The following KCNQ1 variants were observed in gnomAD, a reference collection of about 807,000 sequenced individuals.
KCNQ1 encodes the protein potassium voltage-gated channel subfamily KQT member 1.
Under a neutral mutation model 72.4 loss-of-function variants are expected in KCNQ1, and 49 were observed. The observed-to-expected ratio is 0.68, with a 90% confidence interval of 0.54 to 0.86. The LOEUF (loss-of-function observed/expected upper bound fraction) is 0.86, where lower values mean the gene tolerates loss of function less well. KCNQ1 is among the 40% of genes least tolerant of loss of function. KCNQ1 has a pLI of 0.00. For missense variants in KCNQ1, 790 were observed against 945.1 expected, an observed-to-expected ratio of 0.84 and a Z score of 2.15; for synonymous variants, 450 against 412.6, an observed-to-expected ratio of 1.09 and a Z score of -1.10.
chr11:2,618,659 C>T, intron 10 of KCNQ1: 1 of 398,498 alleles, frequency 2.5e-6, no homozygotes, highest in Non-Finnish European at 4.4e-6. Context: ...ACAGAATTTT[C>T]AGAATTTCGT....
intron 10 of KCNQ1, chr11:2,649,690 T>G (rs1849728267): frequency 2.5e-6 from 1 of 398,490 alleles, no homozygotes; most frequent in Admixed American, 4.4e-5. Context: ...GTTGATTCCC[T>G]TATATGTGAC....
In KCNQ1 at chr11:2,543,973, C is replaced by T. The variant is rs910642826; in HGVS notation, c.477+15955C>T. 2.6e-5 allele frequency among the ~76,000 whole-genome samples: 4 copies of T among 152,168 alleles called. No homozygotes were observed. The highest frequency in any genetic ancestry group is 7.2e-5 in the African/African-American group (3 of 41,432). On this transcript the variant is annotated intron_variant, in intron 2 of 15. Transcript: ENST00000155840. The surrounding 1 kb of genome is among the most constrained non-coding windows in gnomAD (Gnocchi z 5.6). ...GATCTGTCCTTTTGCCAGTCACACA[C>T]TGGGATTGTTACAGCCCTATAATAC...
At chr11:2,633,400 T>A (rs981569506) in intron 10 of KCNQ1, 7 of 398,444 alleles carry the variant, frequency 1.8e-5, no homozygotes, top group Non-Finnish European at 1.8e-5. Flanking sequence ...TCTATTTTTG[T>A]TTTTGTTGCC....
chr11:2,650,120 C>G, intron 10 of KCNQ1: 2 of 398,308 alleles, frequency 5.0e-6, no homozygotes, highest in Non-Finnish European at 8.8e-6. Flanking sequence ...TAATTTATCA[C>G]CTCCAGGATT....
intron 15 of KCNQ1, among the ~76,000 whole-genome samples, chr11:2,846,055 G>A (rs1848320027): frequency 6.6e-6 from 1 of 152,156 alleles, no homozygotes; most frequent in South Asian, 2.1e-4. Flanking sequence ...ATCTTCCCTG[G>A]GGTTGTCTCA....
At chr11:2,568,825 C>G (rs1410879180) in intron 2 of KCNQ1, among the ~76,000 whole-genome samples, 4 of 152,154 alleles carry the variant, frequency 2.6e-5, no homozygotes, top group Admixed American at 2.0e-4. Flanking sequence ...ACACCCCCCC[C>G]ATGAGGCCAC....
chr11:2,519,776 C>A (rs564361766), intron 1 of KCNQ1, among the ~76,000 whole-genome samples: 8 of 56,410 alleles, frequency 1.4e-4, no homozygotes, highest in South Asian at 5.3e-4. Context: ...GGTGTTGGCC[C>A]CCCCCCACAA....
chr11:2,534,017 CG>C (rs2133662605), intron 2 of KCNQ1, among the ~76,000 whole-genome samples: 1 of 152,316 alleles, frequency 6.6e-6, no homozygotes, highest in South Asian at 2.1e-4. Flanking sequence ...CCGCCCCGCC[CG>C]GTGGCCCACC....
In KCNQ1 at chr11:2,688,708, G is replaced by C. The variant is rs145785680; in HGVS notation, c.1514+26627G>C. On this transcript the variant is annotated intron_variant, in intron 11 of 15. Coordinates refer to ENST00000155840, the MANE Select transcript of KCNQ1 (RefSeq NM_000218.3). ...ACGTGCCTAGGCCCAGCTGGGGCTG[G>C]CATACAAATTGGGTGGCCCGGCTCT... 1,197 of 399,030 alleles carry C rather than the reference G, an allele frequency of 3.0e-3. 13 individuals are homozygous for C. Among genetic ancestry groups the C allele is most frequent in the African/African-American group, 0.022 (1,053 of 48,782 alleles). 24.7% of individuals were successfully genotyped at this position (399,030 alleles called of 1,614,324 possible). A position where few individuals can be genotyped will look rare whatever the true frequency, so the allele number is the denominator to read the frequency against.
intron 6 of KCNQ1, among the ~76,000 whole-genome samples, chr11:2,577,607 C>T (rs1448267902): frequency 6.6e-6 from 1 of 152,210 alleles, no homozygotes; most frequent in Non-Finnish European, 1.5e-5. Context: ...TTTACTTTCT[C>T]CTGCTGAAAG....
In KCNQ1 at chr11:2,567,036, C is replaced by A. The variant is rs981579784; in HGVS notation, c.478-3592C>A. Among the ~76,000 whole-genome samples the A allele has an allele frequency of 1.3e-5, 2 of 151,384 alleles. No individual in the cohort carries two copies. Among genetic ancestry groups the A allele is most frequent in the Non-Finnish European group, 3.0e-5 (2 of 67,768 alleles). On this transcript the variant is annotated intron_variant, in intron 2 of 15. Coordinates refer to ENST00000155840, the MANE Select transcript of KCNQ1 (RefSeq NM_000218.3). This position sits in a 1 kb window ranked among gnomAD's most constrained non-coding sequence, Gnocchi z 6.6. ...CAGGGTCCTGAGGAGGCAGGGGTGC[C>A]CCAGGGAATGGGGGGCACCTGGGGC...
chr11:2,666,377 T>G (rs1480430419), intron 11 of KCNQ1: 1 of 398,552 alleles, frequency 2.5e-6, no homozygotes, highest in Non-Finnish European at 4.4e-6. Context: ...TCTTGTGACA[T>G]GACAGCTTCG....
Position 2,473,287 on chromosome 11 carries a change from A to G in KCNQ1, c.386+27803A>G, listed in dbSNP as rs1283925474. Among the ~76,000 whole-genome samples, 4 of 152,104 alleles carry G rather than the reference A, an allele frequency of 2.6e-5. No homozygotes were observed. The highest frequency in any genetic ancestry group is 5.9e-5 in the Non-Finnish European group (4 of 68,008). On this transcript the variant is annotated intron_variant, in intron 1 of 15. Transcript: ENST00000155840. The surrounding 1 kb of genome is among the most constrained non-coding windows in gnomAD (Gnocchi z 6.0). Reference sequence around the variant, plus strand: ...GTTCCTATATTTGTATAATAAATGGAAGAAAATAGTGGTTGGGGGCTTGCT... The same window carrying G: ...GTTCCTATATTTGTATAATAAATGGGAGAAAATAGTGGTTGGGGGCTTGCT...
chr11:2,551,827 C>A (rs1335571637), intron 2 of KCNQ1, among the ~76,000 whole-genome samples: 5 of 152,236 alleles, frequency 3.3e-5, no homozygotes, highest in African/African-American at 1.2e-4. Context: ...TCATGGTCTT[C>A]ATTTGCATTT....
At chr11:2,553,383 T>G (rs1373866407) in intron 2 of KCNQ1, among the ~76,000 whole-genome samples, 2 of 152,132 alleles carry the variant, frequency 1.3e-5, no homozygotes. Flanking sequence ...CCATTAGGTG[T>G]GGTGGGAGCT....
rs904792116 is a variant in KCNQ1, at chr11:2,725,858, A to C, written c.1515-42986A>C. 6.9e-6 allele frequency among the ~76,000 whole-genome samples: 1 copy of C among 145,924 alleles called. No homozygotes were observed. The highest frequency in any genetic ancestry group is 7.1e-5 in the Admixed American group (1 of 14,160). Reference sequence around the variant, plus strand: ...CTCTGAGAGCTCCCTGGGGCCCCACAGGCCAAGCGTTTTCTGACTTGGAGA... The same window carrying C: ...CTCTGAGAGCTCCCTGGGGCCCCACCGGCCAAGCGTTTTCTGACTTGGAGA... On this transcript the variant is annotated intron_variant, in intron 11 of 15. Coordinates refer to ENST00000155840, the MANE Select transcript of KCNQ1 (RefSeq NM_000218.3). This position sits in a 1 kb window ranked among gnomAD's most constrained non-coding sequence, Gnocchi z 7.2.
rs72847674 is a variant in KCNQ1 at position 2,538,077 on chromosome 11, G to C, written c.477+10059G>C. On this transcript the variant is annotated intron_variant, in intron 2 of 15. Coordinates refer to ENST00000155840, the MANE Select transcript of KCNQ1 (RefSeq NM_000218.3). This position sits in a 1 kb window ranked among gnomAD's most constrained non-coding sequence, Gnocchi z 6.7. ...TTGGAGGCAGTATGACCGTTTCTCC[G>C]TATAAAGCCCGTGTATATCCTCTGG... Among the ~76,000 whole-genome samples the C allele has an allele frequency of 0.061, 9,336 of 152,160 alleles. 371 individuals carry two copies. Among genetic ancestry groups the C allele is most frequent in the Non-Finnish European group, 0.089 (6,082 of 68,012 alleles).
chr11:2,546,120 C>T (rs1847899859), intron 2 of KCNQ1, among the ~76,000 whole-genome samples: 1 of 151,790 alleles, frequency 6.6e-6, no homozygotes, highest in Admixed American at 6.6e-5. Context: ...CTAATACAGG[C>T]ACTTGGTGGT....
chr11:2,575,530 G>A (rs1848410435), intron 6 of KCNQ1, among the ~76,000 whole-genome samples: 1 of 152,208 alleles, frequency 6.6e-6, no homozygotes, highest in Admixed American at 6.5e-5. Flanking sequence ...CCCAGATGGG[G>A]GCTTTTAAGC....
Sources: allele counts gnomAD v4.1 joint callset (sites outside exome capture counted in the v4.1 genomes callset), GRCh38; gene constraint gnomAD v4.1.1; non-coding constraint Gnocchi (gnomAD v3.1); transcripts MANE v1.5; gene names NCBI Gene and HGNC (gene_info 2026-07-23, HGNC 2026-07-21).